RBFOX1: variants seen among roughly 807,000 people sequenced by gnomAD.
RBFOX1 encodes the protein RNA binding protein fox-1 homolog 1.
RBFOX1 carries 8 observed loss-of-function variants against 57.7 expected under a neutral mutation model. The ratio of observed to expected loss-of-function variants is 0.14; its 90% confidence interval spans 0.08 to 0.25. The LOEUF (loss-of-function observed/expected upper bound fraction) is 0.25, where lower values mean the gene tolerates loss of function less well. RBFOX1 is among the 10% of genes least tolerant of loss of function. The probability of loss-of-function intolerance (pLI) is 1.00; values close to 1 mark genes in which losing one functional copy is unlikely to be tolerated. For missense variants in RBFOX1, 611 were observed against 548.5 expected, an observed-to-expected ratio of 1.11 and a Z score of -1.14; for synonymous variants, 326 against 222.4, an observed-to-expected ratio of 1.47 and a Z score of -4.15.
At chr16:7,056,177 A>G (rs1188880014) in intron 4 of RBFOX1, among the ~76,000 whole-genome samples, 1 of 151,892 alleles carries the variant, frequency 6.6e-6, no homozygotes, top group Non-Finnish European at 1.5e-5. Flanking sequence ...CCTGTCCCCT[A>G]CCCTTCCCCA....
At chr16:6,884,075 C>A (rs1272152241) in intron 3 of RBFOX1, among the ~76,000 whole-genome samples, 1 of 152,146 alleles carries the variant, frequency 6.6e-6, no homozygotes, top group East Asian at 1.9e-4. Flanking sequence ...GCGGTGGCTG[C>A]TGTGTTATGC....
At chr16:7,192,737 C>T (rs1458447432) in intron 4 of RBFOX1, among the ~76,000 whole-genome samples, 1 of 152,146 alleles carries the variant, frequency 6.6e-6, no homozygotes, top group Admixed American at 6.5e-5. Flanking sequence ...GTGAGAGACC[C>T]AGGAGTGCTC....
intron 1 of RBFOX1, among the ~76,000 whole-genome samples, chr16:6,192,971 C>G (rs2097151415): frequency 6.6e-6 from 1 of 152,072 alleles, no homozygotes; most frequent in Admixed American, 6.6e-5. Flanking sequence ...TGTGTTGGAA[C>G]TGGTAGCCTG....
At chr16:6,707,102 A>G (rs557845143) in intron 3 of RBFOX1, among the ~76,000 whole-genome samples, 20 of 152,294 alleles carry the variant, frequency 1.3e-4, no homozygotes, top group African/African-American at 3.6e-4. Context: ...ATGCACACAC[A>G]CATTTCTCCC....
intron 2 of RBFOX1, among the ~76,000 whole-genome samples, chr16:6,578,526 C>T (rs907020408): frequency 2.7e-5 from 4 of 150,334 alleles, no homozygotes; most frequent in Non-Finnish European, 5.9e-5. Context: ...TTTTACTCAG[C>T]ACAAGCATTC....
At chr16:7,512,415 G>A (rs1295637371) in intron 4 of RBFOX1, among the ~76,000 whole-genome samples, 1 of 152,212 alleles carries the variant, frequency 6.6e-6, no homozygotes, top group Non-Finnish European at 1.5e-5. Flanking sequence ...TAATTCCATA[G>A]GAAGTACAAT....
chr16:7,128,050 C>T (rs1048590729), intron 4 of RBFOX1, among the ~76,000 whole-genome samples: 5 of 152,132 alleles, frequency 3.3e-5, no homozygotes, highest in African/African-American at 1.2e-4. Flanking sequence ...TTGACATCGT[C>T]CTCTGGCAAA....
At chr16:7,313,208 C>G (rs2096359605) in intron 4 of RBFOX1, among the ~76,000 whole-genome samples, 2 of 152,216 alleles carry the variant, frequency 1.3e-5, no homozygotes, top group Non-Finnish European at 2.9e-5. Flanking sequence ...AACTCGTTGA[C>G]AGGTTCCCTC....
At chr16:5,300,996 A>G (rs2063788251) in intron 1 of RBFOX1, among the ~76,000 whole-genome samples, 1 of 152,154 alleles carries the variant, frequency 6.6e-6, no homozygotes, top group Admixed American at 6.5e-5. Context: ...GTAGCGCTCA[A>G]AGTGGCTTCC....
intron 1 of RBFOX1, among the ~76,000 whole-genome samples, chr16:5,404,776 G>C (rs1311239021): frequency 6.6e-6 from 1 of 152,192 alleles, no homozygotes; most frequent in African/African-American, 2.4e-5. Context: ...GAAAGATGAG[G>C]AATCAGATAA....
chr16:6,577,364 A>G (rs1227020989), intron 2 of RBFOX1: 1 of 152,220 alleles, frequency 6.6e-6, no homozygotes, highest in Non-Finnish European at 1.5e-5. Context: ...ATAATGCTTA[A>G]TATTTGTCAG....
At chr16:6,461,727 T>A (rs2094925970) in intron 2 of RBFOX1, among the ~76,000 whole-genome samples, 3 of 152,222 alleles carry the variant, frequency 2.0e-5, no homozygotes, top group African/African-American at 4.8e-5. Context: ...ATCTGCAGAT[T>A]AATGGGATAA....
intron 2 of RBFOX1, among the ~76,000 whole-genome samples, chr16:6,540,570 C>A (rs900283995): frequency 2.1e-5 from 3 of 142,136 alleles, no homozygotes; most frequent in Non-Finnish European, 4.5e-5. Flanking sequence ...CGAGATTGCA[C>A]CACTGTACTC....
intron 4 of RBFOX1, among the ~76,000 whole-genome samples, chr16:7,378,435 C>T (rs1033763576): frequency 1.3e-5 from 2 of 152,118 alleles, no homozygotes; most frequent in African/African-American, 4.8e-5. Flanking sequence ...TTAGCGGAAT[C>T]CATTTCATCG....
chr16:7,232,213 G>A (rs375318706), intron 4 of RBFOX1, among the ~76,000 whole-genome samples: 6 of 152,094 alleles, frequency 3.9e-5, no homozygotes, highest in African/African-American at 7.2e-5. Flanking sequence ...TATGAGAGAC[G>A]GGGTTTCACC....
At chr16:7,073,886 T>A (rs1456471656) in intron 4 of RBFOX1, among the ~76,000 whole-genome samples, 1 of 148,420 alleles carries the variant, frequency 6.7e-6, no homozygotes, top group Non-Finnish European at 1.5e-5. Context: ...AAATACTAGA[T>A]GTGTAGAAAA....
chr16:6,431,892 G>GCTTGCTTGCTTGCTTGCTTGCTTT (rs2094099930), intron 2 of RBFOX1, among the ~76,000 whole-genome samples: 1 of 118,120 alleles, frequency 8.5e-6, no homozygotes, highest in African/African-American at 3.2e-5. Context: ...ATGCTTGCTT[G>GCTTGCTTGCTTGCTTGCTTGCTTT]CTTGCTTTCT....
intron 3 of RBFOX1, among the ~76,000 whole-genome samples, chr16:6,998,406 A>G (rs2092452767): frequency 6.6e-6 from 1 of 152,148 alleles, no homozygotes; most frequent in Non-Finnish European, 1.5e-5. Context: ...GAAGGGGGCA[A>G]AATGAAGCCA....
At chr16:5,889,604 C>A (rs981894970) in intron 4 of RBFOX1, among the ~76,000 whole-genome samples, 6 of 152,178 alleles carry the variant, frequency 3.9e-5, no homozygotes, top group African/African-American at 1.2e-4. Flanking sequence ...GCCAGTCACA[C>A]TTTTGGGCAC....
Sources: gnomAD v4.1 joint callset for allele counts (sites outside exome capture counted in the v4.1 genomes callset) on GRCh38, gnomAD v4.1.1 for gene constraint, MANE v1.5 for transcripts, NCBI Gene and HGNC (gene_info 2026-07-23, HGNC 2026-07-21) for gene names.